The following MYO5B variants were observed in gnomAD, a reference collection of about 807,000 sequenced individuals.
MYO5B encodes the protein myosin VB, also known as unconventional myosin-Vb.
MYO5B carries 143 observed loss-of-function variants against 229.3 expected under a neutral mutation model. The observed-to-expected ratio is 0.62, with a 90% CI of 0.54 to 0.72. The LOEUF (loss-of-function observed/expected upper bound fraction) is 0.72. Ranked by LOEUF, MYO5B falls within the 30% of genes least tolerant of loss-of-function variation. MYO5B has a pLI of 0.00. For synonymous variants in MYO5B, 918 were observed against 885.2 expected (o/e 1.04, Z -0.66); for missense variants, 2,321 against 2,331.0 (o/e 1.00, Z 0.09).
intron 17 of MYO5B, among the ~76,000 whole-genome samples, chr18:49,920,180 G>T (rs1473651308): frequency 6.6e-6 from 1 of 152,128 alleles, no homozygotes; most frequent in African/African-American, 2.4e-5. Context: ...ATGGACACAG[G>T]GTTTCCTTTT....
rs1400379579 is a variant in MYO5B at position 49,927,611 on chromosome 18, T to G, written c.2090+1901A>C. On this transcript the variant is annotated intron_variant, in intron 17 of 39. Coordinates refer to ENST00000285039, the MANE Select transcript of MYO5B (RefSeq NM_001080467.3). Reference sequence around the variant, plus strand: ...ATAAGACCAAATACTGACAGTCAACTGATCTTTGACAAAGCAAAAACAAAA... The same window carrying G: ...ATAAGACCAAATACTGACAGTCAACGGATCTTTGACAAAGCAAAAACAAAA... Among the ~76,000 whole-genome samples, 8 of 152,294 alleles carry G rather than the reference T, an allele frequency of 5.3e-5. No homozygotes were observed. The East Asian group carries it at 1.5e-3, about 29-fold the overall frequency.
At position 50,115,553 on chromosome 18, in the gene MYO5B, C is replaced by A. The variant is rs879660469; in HGVS notation, c.28-60175G>T. ...ACACACACACACACAGAGAGACACA[C>A]ACACACACACACACACACACACACA... On this transcript the variant is annotated intron_variant, in intron 1 of 39. Coordinates refer to ENST00000285039, the MANE Select transcript of MYO5B (RefSeq NM_001080467.3). Among the ~76,000 whole-genome samples, 41 of 65,780 alleles carry A rather than the reference C, an allele frequency of 6.2e-4. No homozygotes were observed. In the South Asian group the frequency reaches 0.019, roughly 30 times the overall value. The allele number at this position is 65,780 out of a possible 152,430, so 43.2% of individuals were successfully genotyped here.
At chr18:50,053,035 A>G (rs2030443602) in intron 2 of MYO5B, among the ~76,000 whole-genome samples, 4 of 152,190 alleles carry the variant, frequency 2.6e-5, no homozygotes, top group Admixed American at 2.0e-4. Flanking sequence ...TCCAGCCAGC[A>G]TAGTACACCA....
At chr18:50,087,452 A>G (rs2031353971) in intron 1 of MYO5B, among the ~76,000 whole-genome samples, 1 of 151,936 alleles carries the variant, frequency 6.6e-6, no homozygotes, top group Admixed American at 6.6e-5. Flanking sequence ...ACGCGCCTGT[A>G]ATCCCAGCTA....
intron 5 of MYO5B, among the ~76,000 whole-genome samples, chr18:50,000,826 C>T (rs2026038258): frequency 6.6e-6 from 1 of 152,170 alleles, no homozygotes; most frequent in Admixed American, 6.5e-5. Flanking sequence ...TGCCCAAATA[C>T]TGTGGGTTAA....
intron 4 of MYO5B, among the ~76,000 whole-genome samples, chr18:50,034,402 T>TA: frequency 6.6e-6 from 1 of 152,316 alleles, no homozygotes; most frequent in Non-Finnish European, 1.5e-5. Flanking sequence ...AATGTACATC[T>TA]CAGATCAGTA....
chr18:50,027,690 T>G (rs1273038085), intron 4 of MYO5B, among the ~76,000 whole-genome samples: 1 of 152,182 alleles, frequency 6.6e-6, no homozygotes, highest in Non-Finnish European at 1.5e-5. Flanking sequence ...AACTGCTCCA[T>G]GCACATTACA....
At chr18:49,945,692 G>C (rs945637681) in intron 14 of MYO5B, among the ~76,000 whole-genome samples, 1 of 152,134 alleles carries the variant, frequency 6.6e-6, no homozygotes, top group Non-Finnish European at 1.5e-5. Flanking sequence ...TAGATGAACA[G>C]TGTTCAGGTG....
In MYO5B at chr18:49,824,893, C is replaced by T. The variant is rs2023823047; in HGVS notation, c.*1578G>A. 1 of 152,194 alleles carries T rather than the reference C, an allele frequency of 6.6e-6. No homozygotes were observed. Among genetic ancestry groups the T allele is most frequent in the Non-Finnish European group, 1.5e-5 (1 of 68,056 alleles). 9.4% of individuals were successfully genotyped at this position (152,194 alleles called of 1,614,324 possible). A position where few individuals can be genotyped will look rare whatever the true frequency, so the allele number is the denominator to read the frequency against. ...GAACACAATGTCAGCAGCCTTAACC[C>T]AGGCTAAGACTGGCCTAAGCCCCAG... On this transcript the variant is annotated 3_prime_UTR_variant, in exon 40 of 40. Coordinates refer to ENST00000285039, the MANE Select transcript of MYO5B (RefSeq NM_001080467.3).
intron 1 of MYO5B, among the ~76,000 whole-genome samples, chr18:50,111,355 A>G (rs756301819): frequency 5.0e-4 from 76 of 152,240 alleles, no homozygotes; most frequent in African/African-American, 1.7e-3. Context: ...TGCAAAGGGC[A>G]CTGAATAGTA....
In MYO5B at chr18:49,875,851, A is replaced by G. The variant is rs778628012; in HGVS notation, c.3397-24T>C. On this transcript the variant is annotated intron_variant, in intron 25 of 39. Coordinates refer to ENST00000285039, the MANE Select transcript of MYO5B (RefSeq NM_001080467.3). ...TCCTTCAAAGGAAGACAGGCACAGAAAAAAGGTTTTCCTAAATACATGCCT... is the reference window on the plus strand; with the variant it reads ...TCCTTCAAAGGAAGACAGGCACAGAGAAAAGGTTTTCCTAAATACATGCCT... The G allele has an allele frequency of 3.1e-6, 5 of 1,613,832 alleles. No individual in the cohort carries two copies. In the East Asian group the frequency reaches 8.9e-5, roughly 29 times the overall value.
At chr18:50,140,729 A>G (rs2032404796) in intron 1 of MYO5B, among the ~76,000 whole-genome samples, 1 of 152,332 alleles carries the variant, frequency 6.6e-6, no homozygotes, top group East Asian at 1.9e-4. Flanking sequence ...CCGACTGTCT[A>G]GTTATAACCA....
At chr18:50,009,563 G>C (rs537451917) in intron 4 of MYO5B, among the ~76,000 whole-genome samples, 1 of 152,178 alleles carries the variant, frequency 6.6e-6, no homozygotes, top group Non-Finnish European at 1.5e-5. Context: ...TTCGGGGAAC[G>C]AAAGGTTATG....
At chr18:50,141,540 C>T (rs777041473) in intron 1 of MYO5B, among the ~76,000 whole-genome samples, 3 of 152,180 alleles carry the variant, frequency 2.0e-5, no homozygotes, top group Non-Finnish European at 4.4e-5. Flanking sequence ...AGCCAAGAAC[C>T]CTCATGGGCT....
intron 10 of MYO5B, among the ~76,000 whole-genome samples, chr18:49,965,455 TCACACACA>T (rs57101973): frequency 2.4e-4 from 35 of 147,098 alleles, no homozygotes; most frequent in African/African-American, 5.1e-4. Flanking sequence ...ACACTTCTTT[TCACACACA>T]CACACACACA....
At chr18:49,949,199 C>T (rs1209398076) in intron 14 of MYO5B, among the ~76,000 whole-genome samples, 1 of 152,194 alleles carries the variant, frequency 6.6e-6, no homozygotes, top group Non-Finnish European at 1.5e-5. Flanking sequence ...CACAGCTTGT[C>T]CCTCTGACCT....
chr18:49,883,687 T>C (rs917158922), intron 22 of MYO5B, among the ~76,000 whole-genome samples: 1 of 152,150 alleles, frequency 6.6e-6, no homozygotes, highest in African/African-American at 2.4e-5. Context: ...TTGAAGAAGA[T>C]GAACAAAGCT....
intron 1 of MYO5B, among the ~76,000 whole-genome samples, chr18:50,146,015 A>T (rs2032497416): frequency 6.6e-6 from 1 of 152,248 alleles, no homozygotes; most frequent in South Asian, 2.1e-4. Context: ...TTCCCAATAT[A>T]CAAATTACTA....
In MYO5B at chr18:50,066,329, T is replaced by C. The variant is rs181468794; in HGVS notation, c.28-10951A>G. ...CAAACTGTCTTTGAAACTCTGCCCCTGAATATTCCTTTTTTATTTGGTACT... is the reference window on the plus strand; with the variant it reads ...CAAACTGTCTTTGAAACTCTGCCCCCGAATATTCCTTTTTTATTTGGTACT... On this transcript the variant is annotated intron_variant, in intron 1 of 39. Coordinates refer to ENST00000285039, the MANE Select transcript of MYO5B (RefSeq NM_001080467.3). 2.3e-3 allele frequency among the ~76,000 whole-genome samples: 354 copies of C among 152,308 alleles called. 1 individual carries two copies. Among genetic ancestry groups the C allele is most frequent in the African/African-American group, 7.5e-3 (311 of 41,576 alleles).
Sources: allele counts gnomAD v4.1 joint callset (sites outside exome capture counted in the v4.1 genomes callset), GRCh38; gene constraint gnomAD v4.1.1; transcripts MANE v1.5; gene names NCBI Gene and HGNC (gene_info 2026-07-23, HGNC 2026-07-21).